The following CRYZL1 variants were observed in gnomAD, a reference collection of about 807,000 sequenced individuals.
CRYZL1 encodes the protein crystallin zeta like 1.
CRYZL1 carries 34 observed loss-of-function variants against 50.6 expected under a neutral mutation model. The observed-to-expected ratio is 0.67, with a 90% CI of 0.51 to 0.89. CRYZL1 has a LOEUF of 0.89. Among genes scored for constraint, CRYZL1 ranks in the 40% least tolerant of loss-of-function variants. The probability of loss-of-function intolerance (pLI) is 0.00; values close to 1 mark genes in which losing one functional copy is unlikely to be tolerated. For synonymous variants in CRYZL1, 125 were observed against 134.3 expected (o/e 0.93, Z 0.48); for missense variants, 354 against 402.3 (o/e 0.88, Z 1.03).
At chr21:33,616,826 T>A (rs1413006177) in intron 4 of CRYZL1, 76 bp from the exon 5 acceptor site, 33 of 1,285,476 alleles carry the variant, frequency 2.6e-5, no homozygotes, top group Non-Finnish European at 3.2e-5. Context: ...AATACATTTT[T>A]AAAATCTGTG....
intron 6 of CRYZL1, among the ~76,000 whole-genome samples, chr21:33,608,892 T>C (rs1044299612): frequency 2.0e-5 from 3 of 152,224 alleles, no homozygotes; most frequent in Admixed American, 6.5e-5. Context: ...CTGAATCATA[T>C]GGTAATTCTA....
At chr21:33,592,431 C>A (rs1042073427) in intron 11 of CRYZL1, among the ~76,000 whole-genome samples, 2 of 152,112 alleles carry the variant, frequency 1.3e-5, no homozygotes, top group African/African-American at 2.4e-5. Flanking sequence ...GCCACTGCCC[C>A]CAGCCTCCAA....
chr21:33,615,936 TA>T, intron 5 of CRYZL1, among the ~76,000 whole-genome samples: 1 of 152,336 alleles, frequency 6.6e-6, no homozygotes, highest in Admixed American at 6.5e-5. Context: ...TAAATATATA[TA>T]TTTTTTATTA....
rs192485965 is a variant in CRYZL1 at position 33,615,994 on chromosome 21, A to G, written c.262+712T>C. 4.1e-3 allele frequency among the ~76,000 whole-genome samples: 630 copies of G among 152,326 alleles called. 4 individuals are homozygous for G. The highest frequency in any genetic ancestry group is 0.015 in the African/African-American group (605 of 41,568). ...TGTGCACATTGTGCAGGTTAGTTAC[A>G]TATGTATACATATGCCATGCTGGTG... On this transcript the variant is annotated intron_variant, in intron 5 of 12. Coordinates refer to ENST00000381554, the MANE Select transcript of CRYZL1 (RefSeq NM_145858.3).
At chr21:33,634,880 A>AATATATAT (rs10599845) in intron 1 of CRYZL1, among the ~76,000 whole-genome samples, 28 of 144,400 alleles carry the variant, frequency 1.9e-4, no homozygotes, top group Non-Finnish European at 3.0e-4. Context: ...CAACAACAAC[A>AATATATAT]ATATATATAT....
At chr21:33,638,914 C>T (rs2087243169) in intron 1 of CRYZL1, among the ~76,000 whole-genome samples, 1 of 152,184 alleles carries the variant, frequency 6.6e-6, no homozygotes, top group Non-Finnish European at 1.5e-5. Flanking sequence ...CTGAGTGGGA[C>T]AGGTGGATCA....
intron 1 of CRYZL1, among the ~76,000 whole-genome samples, chr21:33,640,392 T>C (rs2087266239): frequency 6.6e-6 from 1 of 151,878 alleles, no homozygotes; most frequent in Admixed American, 6.6e-5. Context: ...TTAGAAGTCA[T>C]AACTGACCCG....
At chr21:33,602,371 G>T in intron 7 of CRYZL1, 26 bp from the exon 8 acceptor site, 1 of 1,114,064 alleles carries the variant, frequency 9.0e-7, no homozygotes, top group Non-Finnish European at 1.4e-6. Context: ...TATACAGTGG[G>T]TGTATGGTTA....
intron 7 of CRYZL1, chr21:33,603,141 A>G (rs1203569373): frequency 2.6e-6 from 1 of 378,288 alleles, no homozygotes; most frequent in Non-Finnish European, 4.9e-6. Context: ...GTGGCATCTT[A>G]GGCTTTGTCT....
intron 3 of CRYZL1, 30 bp downstream of exon 3, chr21:33,624,653 T>C (rs1320961328): frequency 1.2e-6 from 2 of 1,605,014 alleles, no homozygotes; most frequent in Middle Eastern, 1.7e-4. Flanking sequence ...ACTCTCATTT[T>C]ACTTTGTGCC....
rs1036049192 is a variant in CRYZL1 at position 33,641,096 on chromosome 21, T to A, written c.-7+585A>T. The A allele has an allele frequency of 4.5e-6, 7 of 1,538,978 alleles. No individual in the cohort carries two copies. In the Admixed American group the frequency reaches 1.4e-4, roughly 31 times the overall value. On this transcript the variant is annotated intron_variant, in intron 1 of 12. Coordinates refer to ENST00000381554, the MANE Select transcript of CRYZL1 (RefSeq NM_145858.3). The stretch of plus-strand genomic sequence containing the variant: ...AGTTCAGGTAAAACCTTTCTACTCA[T>A]AACGTGGACAGCAGCACCTGGGAGC...
chr21:33,632,232 T>C (rs1049276384), intron 1 of CRYZL1, among the ~76,000 whole-genome samples: 139 of 150,912 alleles, frequency 9.2e-4, no homozygotes, highest in Middle Eastern at 3.5e-3. Flanking sequence ...CTCAAGAGGC[T>C]GAGACAGGAG....
intron 4 of CRYZL1, among the ~76,000 whole-genome samples, chr21:33,621,795 T>G (rs2087005675): frequency 6.6e-6 from 1 of 152,112 alleles, no homozygotes; most frequent in South Asian, 2.1e-4. Context: ...GAGTTAAGGC[T>G]GTAGCTATGA....
At chr21:33,590,059 C>A (rs556807060) in intron 12 of CRYZL1, 138 bp from the exon 13 acceptor site, 31 of 571,506 alleles carry the variant, frequency 5.4e-5, no homozygotes, top group African/African-American at 4.6e-4. Flanking sequence ...GCTCTCTCAT[C>A]CAGGCTGGAG....
At chr21:33,605,713 G>A (rs931526408) in intron 6 of CRYZL1, among the ~76,000 whole-genome samples, 4 of 150,908 alleles carry the variant, frequency 2.7e-5, no homozygotes, top group South Asian at 4.2e-4. Context: ...TAGTAGAGAC[G>A]GGGTTTCACC....
chr21:33,617,649 G>A (rs1467515774), intron 4 of CRYZL1, among the ~76,000 whole-genome samples: 1 of 152,040 alleles, frequency 6.6e-6, no homozygotes, highest in Non-Finnish European at 1.5e-5. Flanking sequence ...GGTCGTGATC[G>A]ATTGAGCAAG....
chr21:33,596,020 C>T (rs779203075), intron 10 of CRYZL1, 184 bp from the exon 11 acceptor site: 44 of 613,772 alleles, frequency 7.2e-5, no homozygotes, highest in Admixed American at 1.4e-4. Context: ...GATGAAACAG[C>T]GAGGTGATAA....
intron 1 of CRYZL1, among the ~76,000 whole-genome samples, chr21:33,638,852 C>G (rs2087242560): frequency 6.6e-6 from 1 of 152,264 alleles, no homozygotes; most frequent in South Asian, 2.1e-4. Flanking sequence ...GGGACTGAAA[C>G]AGAGGATGGG....
At position 33,627,247 on chromosome 21, in the gene CRYZL1, G is replaced by A. The variant is rs1221156773; in HGVS notation, c.67-2487C>T. 6.6e-5 allele frequency among the ~76,000 whole-genome samples: 10 copies of A among 152,236 alleles called. No individual in the cohort carries two copies. The South Asian group carries it at 2.1e-3, about 32-fold the overall frequency. Reference sequence around the variant, plus strand: ...CTCACTGTAGCCTTGACCTACACAGGTGGGTGCCACCATGCCCAGCTAATT... The same window carrying A: ...CTCACTGTAGCCTTGACCTACACAGATGGGTGCCACCATGCCCAGCTAATT... On this transcript the variant is annotated intron_variant, in intron 2 of 12. Transcript: ENST00000381554.
Sources: gnomAD v4.1 joint callset for allele counts (sites outside exome capture counted in the v4.1 genomes callset) on GRCh38, gnomAD v4.1.1 for gene constraint, MANE v1.5 for transcripts, NCBI Gene and HGNC (gene_info 2026-07-23, HGNC 2026-07-21) for gene names.